CEP170B: variants seen among roughly 807,000 people sequenced by gnomAD.
The protein encoded by CEP170B is centrosomal protein of 170 kDa protein B.
CEP170B carries 55 observed loss-of-function variants against 120.6 expected under a neutral mutation model. The ratio of observed to expected loss-of-function variants is 0.46; its 90% CI spans 0.37 to 0.57. The LOEUF (loss-of-function observed/expected upper bound fraction) is 0.57. CEP170B is among the 20% of genes least tolerant of loss of function. CEP170B has a pLI of 0.00. For synonymous variants in CEP170B, 1,033 were observed against 954.5 expected (o/e 1.08, Z -1.52); for missense variants, 2,212 against 2,253.3 (o/e 0.98, Z 0.37).
At position 104,895,053 on chromosome 14, in the gene CEP170B, T is replaced by C. The variant is rs1897018824; in HGVS notation, c.*95T>C. Reference sequence around the variant, plus strand: ...CTGCCTGGCCGCAGGTGGTTCTCCCTGAAGACCCCCACATGTGCCATATCC... The same window carrying C: ...CTGCCTGGCCGCAGGTGGTTCTCCCCGAAGACCCCCACATGTGCCATATCC... On this transcript the variant is annotated 3_prime_UTR_variant, in exon 19 of 19. Coordinates refer to ENST00000414716, the MANE Select transcript of CEP170B (RefSeq NM_001112726.3). 7.3e-7 allele frequency: 1 copy of C among 1,367,888 alleles called. No individual in the cohort carries two copies. The highest frequency in any genetic ancestry group is 9.7e-7 in the Non-Finnish European group (1 of 1,025,974). 84.7% of individuals were successfully genotyped at this position (1,367,888 alleles called of 1,614,324 possible).
At chr14:104,877,853 C>CCG in intron 3 of CEP170B, 32 bp from the exon 4 acceptor site, 1 of 39,378 alleles carries the variant, frequency 2.5e-5, no homozygotes, top group Non-Finnish European at 7.0e-5. Context: ...CGCGCAGCTC[C>CCG]CCCCCCCCCC....
chr14:104,887,487 C>G lies in CEP170B; in HGVS notation c.3248C>G (p.Ala1083Gly), dbSNP rs758198213. 1.2e-6 allele frequency: 2 copies of G among 1,611,650 alleles called. No homozygotes were observed. Among genetic ancestry groups the G allele is most frequent in the African/African-American group, 1.3e-5 (1 of 74,936 alleles). ...CGGCTAGGTTCTCGCCGGAAACCAG[C>G]GGCCCCACCGCCATCCCCAGCTGCC... ...AGRLGSRRKP[A>G]APPPSPAARE... Residue 1083 changes from alanine (A) to glycine (G), a missense_variant, in exon 12 of 19, where the codon GCG becomes GGG. Physicochemically the swap from Ala to Gly is moderately conservative, Grantham distance 60. Coordinates refer to ENST00000414716, the MANE Select transcript of CEP170B (RefSeq NM_001112726.3).
intron 2 of CEP170B, among the ~76,000 whole-genome samples, chr14:104,871,921 G>A (rs1183097613): frequency 1.3e-5 from 2 of 152,216 alleles, no homozygotes; most frequent in Non-Finnish European, 1.5e-5. Flanking sequence ...TGCCACCCAC[G>A]TGCTGTCCCA....
rs200049698 is a variant in CEP170B, at chr14:104,884,478, G to T, written c.1699G>T (p.Ala567Ser). Residue 567 changes from alanine to serine, a missense_variant, in exon 9 of 19, where the codon GCA becomes TCA. This residue lies in a region of CEP170B where 2,166 missense variants were observed against 2,166.7 expected (regional missense o/e 1.00). Coordinates refer to ENST00000414716, the MANE Select transcript of CEP170B (RefSeq NM_001112726.3). ...GGAGGAGGACGACAGCCTCAGTGAC[G>T]CAGGGACATACACCATCGAGACCGA... ...KQEEDDSLSD[A>S]GTYTIETEAQ... The T allele has an allele frequency of 1.3e-6, 2 of 1,563,242 alleles. No individual in the cohort carries two copies. Among genetic ancestry groups the T allele is most frequent in the Non-Finnish European group, 1.7e-6 (2 of 1,153,870 alleles).
At position 104,894,807 on chromosome 14, in the gene CEP170B, G is replaced by A. The variant is rs553057944; in HGVS notation, c.4514G>A (p.Arg1505His). Residue 1505 changes from arginine to histidine, a missense_variant, in exon 19 of 19, where the codon CGC (arginine) becomes CAC (histidine). By Grantham distance (29) the Arg-to-His change is conservative. Around this residue, in one of 2 missense-constraint regions of CEP170B, gnomAD observed 2,166 missense variants for 2,166.7 expected, o/e 1.00. Transcript: ENST00000414716. ...GCACAGCCGGGGCTGGGGAAGGGCCGCGTGGCTGCCCAGAGCCCACCCTCA... is the reference window on the plus strand; with the variant it reads ...GCACAGCCGGGGCTGGGGAAGGGCCACGTGGCTGCCCAGAGCCCACCCTCA... ...SSAQPGLGKGRVAAQSPPSPA... is the reference protein window; with the variant it reads ...SSAQPGLGKGHVAAQSPPSPA... 3.0e-5 allele frequency: 48 copies of A among 1,608,332 alleles called. No individual in the cohort carries two copies. Among genetic ancestry groups the A allele is most frequent in the African/African-American group, 4.0e-5 (3 of 75,028 alleles).
At position 104,883,827 on chromosome 14, in the gene CEP170B, C is replaced by T; in HGVS notation, c.1052-4C>T. 6.5e-7 allele frequency: 1 copy of T among 1,539,804 alleles called. No homozygotes were observed. The highest frequency in any genetic ancestry group is 8.8e-7 in the Non-Finnish European group (1 of 1,142,304). ...GACAAGGTGGGGTCCCCTGTCTCCC[C>T]CAGGCCACAAGCACGAGGACGGCAC... On this transcript the variant is annotated splice_region_variant and splice_polypyrimidine_tract_variant and intron_variant, in intron 8 of 18. Transcript: ENST00000414716.
intron 5 of CEP170B, among the ~76,000 whole-genome samples, chr14:104,879,777 G>C (rs558643804): frequency 6.6e-6 from 1 of 152,176 alleles, no homozygotes; most frequent in East Asian, 1.9e-4. Flanking sequence ...GGGGCGTGAG[G>C]GTCCTAGGTG....
chr14:104,868,229 C>T lies in CEP170B; in HGVS notation c.-27-195C>T, dbSNP rs957694681. The stretch of plus-strand genomic sequence containing the variant: ...TGGACGTGATGGGAAAGGCCGGTCA[C>T]GAGGGCAAAGGCCTGGCAGTGGGAC... On this transcript the variant is annotated intron_variant, in intron 1 of 18. Coordinates refer to ENST00000414716, the MANE Select transcript of CEP170B (RefSeq NM_001112726.3). The surrounding 1 kb of genome is among the most constrained non-coding windows in gnomAD (Gnocchi z 5.9). 6.6e-5 allele frequency among the ~76,000 whole-genome samples: 10 copies of T among 152,244 alleles called. No individual in the cohort carries two copies. Among genetic ancestry groups the T allele is most frequent in the Middle Eastern group, 3.4e-3 (1 of 294 alleles).
In CEP170B at chr14:104,895,907, C is replaced by T. The variant is rs2289452; in HGVS notation, c.*949C>T. Reference sequence around the variant, plus strand: ...ACGCCCTCCCCTTTTGGCTTCACGCCATCAGGCCTCAAGTGGGCATGGGGG... The same window carrying T: ...ACGCCCTCCCCTTTTGGCTTCACGCTATCAGGCCTCAAGTGGGCATGGGGG... On this transcript the variant is annotated 3_prime_UTR_variant, in exon 19 of 19. Transcript: ENST00000414716. The T allele has an allele frequency of 9.5e-3, 1,452 of 152,904 alleles. 67 individuals are homozygous for T. The East Asian group carries it at 0.14, about 14-fold the overall frequency. The allele number at this position is 152,904 out of a possible 1,614,324, so 9.5% of individuals were successfully genotyped here. A position where few individuals can be genotyped will look rare whatever the true frequency, so the allele number is the denominator to read the frequency against.
At chr14:104,893,722 C>T (rs1179558019) in intron 15 of CEP170B, 39 bp from the exon 16 acceptor site, 3 of 1,588,522 alleles carry the variant, frequency 1.9e-6, no homozygotes, top group African/African-American at 1.3e-5. Context: ...GGGCGGGGCT[C>T]CTCGAGGGCG....
rs72700197 is a variant in CEP170B at position 104,891,434 on chromosome 14, C to T, written c.3879-1542C>T. 0.041 allele frequency among the ~76,000 whole-genome samples: 6,209 copies of T among 152,056 alleles called. 122 individuals carry two copies. The highest frequency in any genetic ancestry group is 0.088 in the Middle Eastern group (26 of 294). Reference sequence around the variant, plus strand: ...CTGGAAGGAGGTGGCCAGGAGCAGGCGGCCCTTAGAGAGTGGCCCACACTG... The same window carrying T: ...CTGGAAGGAGGTGGCCAGGAGCAGGTGGCCCTTAGAGAGTGGCCCACACTG... On this transcript the variant is annotated intron_variant, in intron 13 of 18. Transcript: ENST00000414716. This position sits in a 1 kb window ranked among gnomAD's most constrained non-coding sequence, Gnocchi z 4.3.
chr14:104,874,915 G>A (rs1193608710), intron 2 of CEP170B, among the ~76,000 whole-genome samples: 2 of 152,212 alleles, frequency 1.3e-5, no homozygotes, highest in African/African-American at 4.8e-5. Context: ...TGGCACCTCT[G>A]CAGAGGCCTC....
At chr14:104,872,480 C>T (rs201155163) in intron 2 of CEP170B, among the ~76,000 whole-genome samples, 3 of 73,436 alleles carry the variant, frequency 4.1e-5, no homozygotes, top group East Asian at 2.4e-4. Context: ...CGTGTGTGTG[C>T]GTGTGTGCCG....
rs892720470 is a variant in CEP170B at position 104,868,317 on chromosome 14, C to G, written c.-27-107C>G. On this transcript the variant is annotated intron_variant, in intron 1 of 18. Coordinates refer to ENST00000414716, the MANE Select transcript of CEP170B (RefSeq NM_001112726.3). This position sits in a 1 kb window ranked among gnomAD's most constrained non-coding sequence, Gnocchi z 5.9. ...GGCTGGAGCCCAGCTTCTCCGGAAG[C>G]TGCCAGCTTCCCTTAGAGGGTCAGG... 3.9e-6 allele frequency: 3 copies of G among 765,494 alleles called. No individual in the cohort carries two copies. In the African/African-American group the frequency reaches 5.3e-5, roughly 13 times the overall value. The allele number at this position is 765,494 out of a possible 1,614,324, so 47.4% of individuals were successfully genotyped here.
rs1216594660 is a variant in CEP170B at position 104,894,574 on chromosome 14, A to G, written c.4403A>G (p.Gln1468Arg). Residue 1468 changes from glutamine to arginine, a missense_variant, in exon 18 of 19, where the codon CAG becomes CGG. Transcript: ENST00000414716. ...ATCCTGAAGGAACTGAGGCGGGTGC[A>G]GAAACAGCTGGAAGGTGAGTGTGGC... Reference protein sequence around the residue: ...SSILKELRRVQKQLEVINAIV... With the variant: ...SSILKELRRVRKQLEVINAIV... The G allele has an allele frequency of 6.2e-7, 1 of 1,611,720 alleles. No homozygotes were observed. The highest frequency in any genetic ancestry group is 1.1e-5 in the South Asian group (1 of 90,988).
At position 104,870,030 on chromosome 14, in the gene CEP170B, C is replaced by T. The variant is rs1895394700; in HGVS notation, c.105+1475C>T. ...GTTCTTTAATCTGGAACATTCTCTC[C>T]CTTTTTTCTCTTTTCTTTATGCCTT... On this transcript the variant is annotated intron_variant, in intron 2 of 18. Transcript: ENST00000414716. The surrounding 1 kb of genome is among the most constrained non-coding windows in gnomAD (Gnocchi z 4.1). Among the ~76,000 whole-genome samples, 1 of 152,224 alleles carries T rather than the reference C, an allele frequency of 6.6e-6. No individual in the cohort carries two copies. The highest frequency in any genetic ancestry group is 2.4e-5 in the African/African-American group (1 of 41,450).
At position 104,887,406 on chromosome 14, in the gene CEP170B, C is replaced by T; in HGVS notation, c.3167C>T (p.Pro1056Leu). The T allele has an allele frequency of 6.2e-7, 1 of 1,612,144 alleles. No homozygotes were observed. Among genetic ancestry groups the T allele is most frequent in the Non-Finnish European group, 8.5e-7 (1 of 1,179,668 alleles). ...CGTGGCCCTGTCCTCGCCCACCTACCCAGCTCAGATGTGATGGCCTCCAAC... is the reference window on the plus strand; with the variant it reads ...CGTGGCCCTGTCCTCGCCCACCTACTCAGCTCAGATGTGATGGCCTCCAAC... ...EERGPVLAHL[P>L]SSDVMASNHE... The change falls in exon 12 of 19, where the codon CCC becomes CTC. Residue 1056 changes from proline to leucine, a missense_variant. By Grantham distance (98) the Pro-to-Leu change is moderately conservative (BLOSUM62 -3). Transcript: ENST00000414716.
Position 104,884,286 on chromosome 14 carries a change from T to G in CEP170B, c.1507T>G (p.Phe503Val), listed in dbSNP as rs1316456089. 4 of 1,544,052 alleles carry G rather than the reference T, an allele frequency of 2.6e-6. No homozygotes were observed. In the East Asian group the frequency reaches 7.4e-5, roughly 28 times the overall value. ...GCGCCGCTCCCGCCTGGCCCAGGACTTCATGGCCCAGTGTCTGCGGGAGAG... is the reference window on the plus strand; with the variant it reads ...GCGCCGCTCCCGCCTGGCCCAGGACGTCATGGCCCAGTGTCTGCGGGAGAG... ...VGRRSRLAQD[F>V]MAQCLRESSP... The change falls in exon 9 of 19, where the codon TTC (phenylalanine) becomes GTC (valine). Residue 503 changes from phenylalanine to valine, a missense_variant. Physicochemically the swap from Phe to Val is conservative, Grantham distance 50. Around this residue, in one of 2 missense-constraint regions of CEP170B, gnomAD observed 2,166 missense variants for 2,166.7 expected, o/e 1.00. Transcript: ENST00000414716.
At position 104,884,112 on chromosome 14, in the gene CEP170B, C is replaced by T. The variant is rs751224174; in HGVS notation, c.1333C>T (p.Arg445Cys). The T allele has an allele frequency of 2.0e-5, 32 of 1,574,328 alleles. No individual in the cohort carries two copies. The highest frequency in any genetic ancestry group is 9.2e-5 in the South Asian group (8 of 86,506). ...TGGCCCAACGCCGGCCGATAGGGAC[C>T]GCCCCAGTGTCCCAGCCCCAGTCCA... is the stretch of plus-strand genomic sequence containing the variant. ...RRGPTPADRD[R>C]PSVPAPVQAG... is the part of the protein sequence containing the mutation. The change falls in exon 9 of 19, where the codon CGC (arginine) becomes TGC (cysteine). Residue 445 changes from arginine (R) to cysteine (C), a missense_variant. Coordinates refer to ENST00000414716, the MANE Select transcript of CEP170B (RefSeq NM_001112726.3).
Sources: allele counts gnomAD v4.1 joint callset (sites outside exome capture counted in the v4.1 genomes callset), GRCh38; gene constraint gnomAD v4.1.1; regional missense constraint gnomAD v4.1.1; non-coding constraint Gnocchi (gnomAD v3.1); transcripts MANE v1.5; gene names NCBI Gene and HGNC (gene_info 2026-07-23, HGNC 2026-07-21).